Variants in NCOR1 observed in about 807,000 individuals in gnomAD.
NCOR1 encodes protein phosphatase 1, regulatory subunit 109.
A neutral mutation model predicts 288.1 loss-of-function variants in NCOR1; 63 were observed. The ratio of observed to expected loss-of-function variants is 0.22; its 90% CI spans 0.18 to 0.27. NCOR1 has a LOEUF of 0.27. Ranked by LOEUF, NCOR1 falls within the 10% of genes least tolerant of loss-of-function variation. The pLI, the probability that NCOR1 is intolerant of heterozygous loss-of-function variation, is 1.00. For synonymous variants in NCOR1, 1,007 were observed against 1,065.9 expected (o/e 0.94, Z 1.08); for missense variants, 2,397 against 3,019.2 (o/e 0.79, Z 4.83).
At chr17:16,208,675 A>T (rs2091832796) in intron 1 of NCOR1, among the ~76,000 whole-genome samples, 1 of 151,620 alleles carries the variant, frequency 6.6e-6, no homozygotes, top group Admixed American at 6.6e-5. Flanking sequence ...ACATAATGAG[A>T]CCCTGTTTCT....
intron 42 of NCOR1, among the ~76,000 whole-genome samples, chr17:16,046,523 G>A (rs955485136): frequency 6.6e-6 from 1 of 152,200 alleles, no homozygotes; most frequent in Non-Finnish European, 1.5e-5. Flanking sequence ...TAAGAATGAG[G>A]ACATGTGACC....
intron 26 of NCOR1, among the ~76,000 whole-genome samples, chr17:16,077,178 C>A (rs1172442986): frequency 2.0e-5 from 3 of 151,980 alleles, no homozygotes; most frequent in African/African-American, 2.4e-5. Flanking sequence ...GGGCGGATCA[C>A]CTGAAGCCAG....
chr17:16,131,747 C>G (rs140390348), intron 14 of NCOR1, among the ~76,000 whole-genome samples: 7 of 152,284 alleles, frequency 4.6e-5, no homozygotes, highest in African/African-American at 1.7e-4. Flanking sequence ...AGACTAACTT[C>G]CTGAAGAGTG....
intron 4 of NCOR1, 122 bp from the exon 5 acceptor site, chr17:16,165,283 T>C (rs878955411): frequency 1.4e-6 from 1 of 707,916 alleles, no homozygotes; most frequent in Non-Finnish European, 2.3e-6. Flanking sequence ...CTAATGAAAC[T>C]TTTAGTAGTA....
chr17:16,127,349 ATATG>A lies in NCOR1; in HGVS notation c.1510-1147_1510-1144del, dbSNP rs1306507026. On this transcript the variant is annotated intron_variant, in intron 14 of 45. Coordinates refer to ENST00000268712, the MANE Select transcript of NCOR1 (RefSeq NM_006311.4). ...TGTATGTATATATACATGTATGTAT[ATATG>A]TATGTATATATACATGTATGTATAT... 7.8e-5 allele frequency among the ~76,000 whole-genome samples: 10 copies of A among 127,988 alleles called. 3 individuals are homozygous for A. Among genetic ancestry groups the A allele is most frequent in the East Asian group, 4.2e-4 (2 of 4,774 alleles). The allele number at this position is 127,988 out of a possible 152,430, so 84.0% of individuals were successfully genotyped here.
rs117741170 is a variant in NCOR1, at chr17:16,052,640, C to G, written c.6393-3652G>C. ...CTACCACCCAAAAAAAGCCCATGAC[C>G]AGACACATTCACTGCTGAATTCTAC... On this transcript the variant is annotated intron_variant, in intron 40 of 45. Transcript: ENST00000268712. 2.6e-5 allele frequency among the ~76,000 whole-genome samples: 4 copies of G among 152,240 alleles called. No individual in the cohort carries two copies. In the East Asian group the frequency reaches 7.7e-4, roughly 29 times the overall value.
intron 11 of NCOR1, among the ~76,000 whole-genome samples, chr17:16,142,195 A>G (rs2077256940): frequency 6.6e-6 from 1 of 152,200 alleles, no homozygotes; most frequent in Admixed American, 6.5e-5. Context: ...ACTGCTTTTT[A>G]CTTCTAAATG....
chr17:16,123,360 C>CACTA (rs1244017408), intron 15 of NCOR1, among the ~76,000 whole-genome samples: 1 of 152,106 alleles, frequency 6.6e-6, no homozygotes, highest in African/African-American at 2.4e-5. Flanking sequence ...TTTCTACTAC[C>CACTA]ACTACACTTA....
chr17:16,196,489 G>C (rs1311389374), intron 1 of NCOR1, among the ~76,000 whole-genome samples: 2 of 152,134 alleles, frequency 1.3e-5, no homozygotes, highest in African/African-American at 4.8e-5. Context: ...GGGCAATGAA[G>C]CCAGACCTAT....
intron 28 of NCOR1, among the ~76,000 whole-genome samples, chr17:16,072,857 G>A (rs1389022001): frequency 6.6e-6 from 1 of 152,070 alleles, no homozygotes; most frequent in Non-Finnish European, 1.5e-5. Flanking sequence ...AAACAAAGTG[G>A]GCCATTAACA....
intron 22 of NCOR1, 123 bp from the exon 23 acceptor site, chr17:16,086,565 A>G: frequency 2.4e-6 from 2 of 839,416 alleles, no homozygotes; most frequent in Non-Finnish European, 3.6e-6. Context: ...GAAACCAACA[A>G]TGAACATTTC....
At chr17:16,118,661 T>TACAAAAAAATATG (rs1339208262) in intron 17 of NCOR1, among the ~76,000 whole-genome samples, 16 of 152,152 alleles carry the variant, frequency 1.1e-4, no homozygotes, top group Admixed American at 1.0e-3. Flanking sequence ...TAAGGGGTGA[T>TACAAAAAAATATG]ACAAAAAAAT....
At chr17:16,138,246 T>C in intron 12 of NCOR1, 34 bp from the exon 13 acceptor site, 1 of 1,554,744 alleles carries the variant, frequency 6.4e-7, no homozygotes, top group African/African-American at 1.4e-5. Context: ...CACACTTGCG[T>C]ACAAATATTT....
intron 18 of NCOR1, among the ~76,000 whole-genome samples, chr17:16,112,119 T>C (rs2070375043): frequency 1.3e-5 from 2 of 152,286 alleles, no homozygotes; most frequent in Middle Eastern, 3.4e-3. Flanking sequence ...TCCACCCACC[T>C]TGACGTCCCA....
At chr17:16,188,440 T>A (rs1169098669) in intron 2 of NCOR1, among the ~76,000 whole-genome samples, 2 of 151,642 alleles carry the variant, frequency 1.3e-5, no homozygotes, top group Admixed American at 1.3e-4. Context: ...TGAAACCCCA[T>A]CTCCACTAAA....
At chr17:16,038,275 T>G (rs1038636142) in intron 44 of NCOR1, among the ~76,000 whole-genome samples, 3 of 152,250 alleles carry the variant, frequency 2.0e-5, no homozygotes, top group Non-Finnish European at 2.9e-5. Flanking sequence ...TATGGTTTTT[T>G]TGTGTGCTTG....
rs1306925410 is a variant in NCOR1, at chr17:16,039,569, T to A, written c.6819A>T (p.Gly2273=). Residue 2273 remains glycine, a synonymous_variant, in exon 44 of 46, where the codon GGA becomes GGT. Transcript: ENST00000268712. The stretch of plus-strand genomic sequence containing the variant: ...GATCCTCAACTTTGTCATCAAAGCT[T>A]CCCATGAGAGCCTTCCTGATAATGT... ...LEDIIRKALM[G]SFDDKVEDHG... 1.2e-6 allele frequency: 2 copies of A among 1,614,174 alleles called. No homozygotes were observed. The highest frequency in any genetic ancestry group is 1.7e-6 in the Non-Finnish European group (2 of 1,180,024).
chr17:16,157,857 A>G (rs1473644309), intron 6 of NCOR1, among the ~76,000 whole-genome samples: 1 of 150,944 alleles, frequency 6.6e-6, no homozygotes, highest in East Asian at 1.9e-4. Flanking sequence ...TACTACAAAA[A>G]TGATTCATAG....
Position 16,158,789 on chromosome 17 carries a change from T to C in NCOR1, c.703A>G (p.Ile235Val). Residue 235 changes from isoleucine to valine, a missense_variant, in exon 6 of 46, where the codon ATT (isoleucine) becomes GTT (valine). By Grantham distance (29) the Ile-to-Val change is conservative. This residue lies in a region of NCOR1 where 76 missense variants were observed against 102.2 expected (regional missense o/e 0.74). Transcript: ENST00000268712. ...TTCTCATCATAAATAATTTGGACAATACTGCGGTGTTTCTGCTCCACAGGA... is the reference window on the plus strand; with the variant it reads ...TTCTCATCATAAATAATTTGGACAACACTGCGGTGTTTCTGCTCCACAGGA... ...PPPVEQKHRS[I>V]VQIIYDENRK... The C allele has an allele frequency of 6.2e-7, 1 of 1,613,590 alleles. No individual in the cohort carries two copies. Among genetic ancestry groups the C allele is most frequent in the East Asian group, 2.2e-5 (1 of 44,884 alleles).
Sources: gnomAD v4.1 joint callset for allele counts (sites outside exome capture counted in the v4.1 genomes callset) on GRCh38, gnomAD v4.1.1 for gene constraint, gnomAD v4.1.1 regional missense constraint, MANE v1.5 for transcripts, NCBI Gene and HGNC (gene_info 2026-07-23, HGNC 2026-07-21) for gene names.